The following PLPPR5 variants were observed in gnomAD, a reference collection of about 807,000 sequenced individuals.
PLPPR5 encodes the protein phospholipid phosphatase-related protein type 5.
Under a neutral mutation model 33.9 loss-of-function variants are expected in PLPPR5, and 16 were observed. The ratio of observed to expected loss-of-function variants is 0.47; its 90% CI spans 0.32 to 0.72. The LOEUF is 0.72. Ranked by LOEUF, PLPPR5 falls within the 30% of genes least tolerant of loss-of-function variation. The pLI, the probability that PLPPR5 is intolerant of heterozygous loss-of-function variation, is 0.03. For synonymous variants in PLPPR5, 163 were observed against 150.3 expected (o/e 1.08, Z -0.62); for missense variants, 301 against 406.7 (o/e 0.74, Z 2.23).
rs1650377814 is a variant in PLPPR5, at chr1:98,941,832, TAAAC to T, written c.621+11234_621+11237del. On this transcript the variant is annotated intron_variant, in intron 3 of 5. Coordinates refer to ENST00000263177, the MANE Select transcript of PLPPR5 (RefSeq NM_001037317.2). ...CTTCCAAGAGTTTCTTTAAATGCCA[TAAAC>T]AAACAAATAGCTCAAAGCAGACTGT... 2.0e-5 allele frequency among the ~76,000 whole-genome samples: 3 copies of T among 151,358 alleles called. 1 individual carries two copies. Among genetic ancestry groups the T allele is most frequent in the Admixed American group, 1.3e-4 (2 of 15,104 alleles).
At chr1:98,990,459 T>C (rs1451002708) in intron 1 of PLPPR5, among the ~76,000 whole-genome samples, 1 of 152,126 alleles carries the variant, frequency 6.6e-6, no homozygotes, top group Non-Finnish European at 1.5e-5. Flanking sequence ...TTTAAAGTTA[T>C]GAATATATGT....
intron 3 of PLPPR5, among the ~76,000 whole-genome samples, chr1:98,939,110 C>A (rs1425267804): frequency 2.0e-5 from 3 of 151,424 alleles, no homozygotes; most frequent in Admixed American, 1.3e-4. Flanking sequence ...TGCACATGAA[C>A]CCCTGAAATT....
intron 3 of PLPPR5, among the ~76,000 whole-genome samples, chr1:98,935,991 G>A (rs114453803): frequency 0.013 from 1,979 of 152,228 alleles, 20 homozygotes; most frequent in Non-Finnish European, 0.021. Context: ...CTGCAAGGGG[G>A]AGGCAATGGA....
At chr1:98,951,664 T>G (rs576898109) in intron 3 of PLPPR5, among the ~76,000 whole-genome samples, 2 of 152,364 alleles carry the variant, frequency 1.3e-5, no homozygotes, top group South Asian at 2.1e-4. Context: ...CGTGTAATGC[T>G]GTATTTCCTT....
In PLPPR5 at chr1:98,978,525, C is replaced by G. The variant is rs116128461; in HGVS notation, c.238-21784G>C. On this transcript the variant is annotated intron_variant, in intron 1 of 5. Coordinates refer to ENST00000263177, the MANE Select transcript of PLPPR5 (RefSeq NM_001037317.2). ...AAACATGCTCCTTGTCTTCAAAACT[C>G]CCCATGGACCCCTGGAACACATCTT... 8.3e-4 allele frequency among the ~76,000 whole-genome samples: 126 copies of G among 152,090 alleles called. 2 individuals are homozygous for G. Among genetic ancestry groups the G allele is most frequent in the African/African-American group, 2.8e-3 (118 of 41,538 alleles).
intron 4 of PLPPR5, among the ~76,000 whole-genome samples, chr1:98,917,684 T>C (rs551860760): frequency 2.7e-4 from 41 of 152,214 alleles, no homozygotes; most frequent in Non-Finnish European, 4.3e-4. Flanking sequence ...ATGCCTTCCT[T>C]GAACTCCTAG....
At chr1:98,972,669 T>G (rs1651701324) in intron 1 of PLPPR5, among the ~76,000 whole-genome samples, 1 of 152,078 alleles carries the variant, frequency 6.6e-6, no homozygotes, top group Non-Finnish European at 1.5e-5. Context: ...GTTAATTATC[T>G]TTCCTTCTCA....
chr1:98,963,213 C>T (rs1235315804), intron 1 of PLPPR5, among the ~76,000 whole-genome samples: 2 of 152,158 alleles, frequency 1.3e-5, no homozygotes, highest in African/African-American at 4.8e-5. Context: ...GTGCTTGAGA[C>T]ATGATTTACA....
intron 4 of PLPPR5, among the ~76,000 whole-genome samples, chr1:98,919,346 T>C (rs1291402898): frequency 1.3e-5 from 2 of 152,326 alleles, no homozygotes; most frequent in Admixed American, 6.5e-5. Context: ...TCTGGGTGAC[T>C]GGGTGGTCTG....
At chr1:98,902,027 A>G (rs1285664634) in intron 5 of PLPPR5, among the ~76,000 whole-genome samples, 1 of 152,028 alleles carries the variant, frequency 6.6e-6, no homozygotes, top group Non-Finnish European at 1.5e-5. Flanking sequence ...GAAAATGGAA[A>G]TTAAGGATTC....
At chr1:99,002,089 C>T (rs544145910) in intron 1 of PLPPR5, among the ~76,000 whole-genome samples, 1 of 152,088 alleles carries the variant, frequency 6.6e-6, no homozygotes, top group Admixed American at 6.5e-5. Context: ...CATGCTAACC[C>T]AGCGTTCTTG....
At chr1:99,005,381 C>T (rs758801795), upstream of PLPPR5, among the ~76,000 whole-genome samples, 3 of 152,108 alleles carry the variant, frequency 2.0e-5, no homozygotes, top group African/African-American at 4.8e-5. Context: ...TGACCCAGCC[C>T]GGGGCTGGAG....
At chr1:98,954,567 A>T (rs1650934021) in intron 2 of PLPPR5, among the ~76,000 whole-genome samples, 2 of 152,114 alleles carry the variant, frequency 1.3e-5, no homozygotes, top group Admixed American at 1.3e-4. Context: ...GAAATATTAT[A>T]TAAGATTACA....
At chr1:99,005,196 G>T (rs983372105), upstream of PLPPR5, among the ~76,000 whole-genome samples, 11 of 152,218 alleles carry the variant, frequency 7.2e-5, no homozygotes, top group African/African-American at 2.6e-4. Flanking sequence ...AGTAGAGATG[G>T]AGCTTCCAGA....
chr1:98,973,966 A>G (rs1411650205), intron 1 of PLPPR5, among the ~76,000 whole-genome samples: 1 of 151,886 alleles, frequency 6.6e-6, no homozygotes, highest in Non-Finnish European at 1.5e-5. Context: ...GACTGGAGAG[A>G]GGAGGTAGAA....
intron 3 of PLPPR5, among the ~76,000 whole-genome samples, chr1:98,935,963 T>A (rs1365967955): frequency 6.6e-6 from 1 of 152,022 alleles, no homozygotes; most frequent in Non-Finnish European, 1.5e-5. Flanking sequence ...CACCTCAACG[T>A]GCACCTGGGT....
intron 1 of PLPPR5, among the ~76,000 whole-genome samples, chr1:98,969,107 G>T (rs1651556484): frequency 3.3e-5 from 5 of 152,032 alleles, no homozygotes; most frequent in Non-Finnish European, 7.4e-5. Context: ...ACTTATTTGA[G>T]CTTAGAAATA....
At position 98,989,194 on chromosome 1, in the gene PLPPR5, G is replaced by T. The variant is rs138827569; in HGVS notation, c.237+15241C>A. On this transcript the variant is annotated intron_variant, in intron 1 of 5. Coordinates refer to ENST00000263177, the MANE Select transcript of PLPPR5 (RefSeq NM_001037317.2). ...ACAGCCTATTTGGTTAAAATGGGCA[G>T]AATCATCATATGCTCATTCTTTGAT... Among the ~76,000 whole-genome samples, 424 of 152,244 alleles carry T rather than the reference G, an allele frequency of 2.8e-3. 2 individuals are homozygous for T. Among genetic ancestry groups the T allele is most frequent in the African/African-American group, 9.7e-3 (405 of 41,580 alleles).
chr1:98,924,949 G>T (rs555388935), intron 3 of PLPPR5, among the ~76,000 whole-genome samples: 135 of 152,302 alleles, frequency 8.9e-4, no homozygotes, highest in African/African-American at 2.9e-3. Context: ...TCATAGCAGT[G>T]CTTTATAATG....
Sources: gnomAD v4.1 joint callset for allele counts (sites outside exome capture counted in the v4.1 genomes callset) on GRCh38, gnomAD v4.1.1 for gene constraint, MANE v1.5 for transcripts, NCBI Gene and HGNC (gene_info 2026-07-23, HGNC 2026-07-21) for gene names.